A4GALT: variants seen among roughly 807,000 people sequenced by gnomAD.
The protein encoded by A4GALT is alpha 1,4-galactosyltransferase (P1PK blood group).
For missense variants in A4GALT, 512 were observed against 486.0 expected, an observed-to-expected ratio of 1.05 and a Z score of -0.50; for synonymous variants, 257 against 220.7, an observed-to-expected ratio of 1.16 and a Z score of -1.46.
In A4GALT at chr22:42,706,354, C is replaced by CAAAAAAAAAAAAAAAAA. The variant is rs1164664187; in HGVS notation, c.-187-10740_-187-10724dup. 3.6e-5 allele frequency among the ~76,000 whole-genome samples: 3 copies of CAAAAAAAAAAAAAAAAA among 83,820 alleles called. 1 individual carries two copies. The highest frequency in any genetic ancestry group is 9.9e-5 in the African/African-American group (2 of 20,208). 55.0% of individuals were successfully genotyped at this position (83,820 alleles called of 152,430 possible). On this transcript the variant is annotated intron_variant, in intron 1 of 2. Coordinates refer to ENST00000642412, the MANE Select transcript of A4GALT (RefSeq NM_017436.7). ...TGGGTGACAGAGCGAGACTCCATCC[C>CAAAAAAAAAAAAAAAAA]AAAAAAAAAAAAAAAAAAAAAAAGT...
chr22:42,694,079 C>A (rs1203805088), intron 2 of A4GALT, 82 bp from the exon 3 acceptor site: 3 of 892,348 alleles, frequency 3.4e-6, no homozygotes, highest in Admixed American at 2.2e-5. Flanking sequence ...GAACATCAGC[C>A]AGAGCCAAGG....
At chr22:42,696,484 G>A (rs1930947201) in intron 1 of A4GALT, among the ~76,000 whole-genome samples, 1 of 151,932 alleles carries the variant, frequency 6.6e-6, no homozygotes, top group African/African-American at 2.4e-5. Context: ...CCTTGGGGAG[G>A]TGACACATGG....
rs1328066674 is a variant in A4GALT, at chr22:42,693,478, C to T, written c.474G>A (p.Trp158Ter). The change falls in exon 3 of 3, where the codon TGG (tryptophan) becomes TGA (stop). Residue 158 changes from tryptophan (W) to a stop codon, truncating the protein, a stop_gained. Transcript: ENST00000642412. LOFTEE classifies it low-confidence loss of function (END_TRUNC). ...ELFRDTPLAD[W>*]YAAVQGRWEP... ...CCCAGCGCCCCTGCACGGCCGCGTA[C>T]CAGTCGGCCAGGGGTGTGTCCCGGA... 2 of 1,613,074 alleles carry T rather than the reference C, an allele frequency of 1.2e-6. No homozygotes were observed. Among genetic ancestry groups the T allele is most frequent in the Non-Finnish European group, 1.7e-6 (2 of 1,179,954 alleles).
At chr22:42,720,565 C>T (rs1052342898) in intron 1 of A4GALT, among the ~76,000 whole-genome samples, 1 of 152,104 alleles carries the variant, frequency 6.6e-6, no homozygotes, top group African/African-American at 2.4e-5. Context: ...CTCCGGGTCC[C>T]GCCGCCGCGC....
chr22:42,703,698 A>C (rs1186607682), intron 1 of A4GALT, among the ~76,000 whole-genome samples: 1 of 152,156 alleles, frequency 6.6e-6, no homozygotes, highest in Admixed American at 6.5e-5. Flanking sequence ...TCCCTTCTGC[A>C]CAGTGCGGGG....
intron 1 of A4GALT, among the ~76,000 whole-genome samples, chr22:42,714,285 A>T: frequency 7.1e-6 from 1 of 140,972 alleles, no homozygotes; most frequent in African/African-American, 2.8e-5. Context: ...AAAAAAAAAA[A>T]AAAAAAAAAA....
At chr22:42,720,434 G>A (rs1034485114) in intron 1 of A4GALT, among the ~76,000 whole-genome samples, 9 of 152,148 alleles carry the variant, frequency 5.9e-5, no homozygotes, top group South Asian at 4.1e-4. Context: ...CGGTGGCCGG[G>A]CAGAGCCTGC....
rs138153636 is a variant in A4GALT, at chr22:42,693,038, G to A, written c.914C>T (p.Pro305Leu). 330 of 1,612,550 alleles carry A rather than the reference G, an allele frequency of 2.0e-4. 1 individual carries two copies. The highest frequency in any genetic ancestry group is 1.0e-3 in the African/African-American group (77 of 75,008). Residue 305 changes from proline (P) to leucine (L), a missense_variant, in exon 3 of 3, where the codon CCG (proline) becomes CTG (leucine). Transcript: ENST00000642412. Reference protein sequence around the residue: ...YFEDINPEELPRLLSATYAVH... With the variant: ...YFEDINPEELLRLLSATYAVH... ...AGCATAGGTGGCACTGAGCAGCCGC[G>A]GCAGCTCCTCGGGGTTGATGTCCTC...
intron 1 of A4GALT, among the ~76,000 whole-genome samples, chr22:42,699,446 G>A (rs1012790450): frequency 6.6e-6 from 1 of 152,116 alleles, no homozygotes; most frequent in Non-Finnish European, 1.5e-5. Flanking sequence ...GAATTTTCTT[G>A]CCCCCTGGTG....
At chr22:42,699,084 T>C (rs1270891134) in intron 1 of A4GALT, among the ~76,000 whole-genome samples, 1 of 144,074 alleles carries the variant, frequency 6.9e-6, no homozygotes, top group Non-Finnish European at 1.6e-5. Flanking sequence ...ATTCTTTTAT[T>C]CCTTTACCTT....
At chr22:42,699,463 G>A (rs1357666008) in intron 1 of A4GALT, among the ~76,000 whole-genome samples, 2 of 152,132 alleles carry the variant, frequency 1.3e-5, no homozygotes, top group South Asian at 2.1e-4. Flanking sequence ...GGTGTGAGTG[G>A]CCACGACCCT....
At chr22:42,718,050 G>C (rs1227650154) in intron 1 of A4GALT, among the ~76,000 whole-genome samples, 1 of 152,172 alleles carries the variant, frequency 6.6e-6, no homozygotes, top group Admixed American at 6.5e-5. Flanking sequence ...ATGTATAAAT[G>C]TATGCAGAAA....
chr22:42,710,697 GAAATAAATAAAT>G (rs57644282), intron 1 of A4GALT, among the ~76,000 whole-genome samples: 50 of 144,396 alleles, frequency 3.5e-4, no homozygotes, highest in South Asian at 2.7e-3. Flanking sequence ...ACTCCAGCTC[GAAATAAATAAAT>G]AAATAAATAA....
At chr22:42,700,757 G>A (rs1047101553) in intron 1 of A4GALT, among the ~76,000 whole-genome samples, 1 of 152,222 alleles carries the variant, frequency 6.6e-6, no homozygotes, top group African/African-American at 2.4e-5. Context: ...TGGAGGGATG[G>A]AGGGAGGCAA....
At chr22:42,694,406 TCAGCTC>T in intron 2 of A4GALT, 1 of 202,806 alleles carries the variant, frequency 4.9e-6, no homozygotes, top group Non-Finnish European at 1.0e-5. Flanking sequence ...CATGCCCGCC[TCAGCTC>T]CATAAACCAG....
At chr22:42,708,255 C>T (rs980429541) in intron 1 of A4GALT, among the ~76,000 whole-genome samples, 3 of 152,104 alleles carry the variant, frequency 2.0e-5, no homozygotes, top group East Asian at 1.9e-4. Context: ...GGTGTGGTGG[C>T]GCCTACCTGT....
intron 1 of A4GALT, among the ~76,000 whole-genome samples, chr22:42,696,280 C>G (rs1426905890): frequency 6.6e-6 from 1 of 151,464 alleles, no homozygotes; most frequent in Non-Finnish European, 1.5e-5. Context: ...ATTAGCCGGG[C>G]ATGGTGGCGC....
chr22:42,693,654 AC>A lies in A4GALT; in HGVS notation c.297del (p.Glu99AspfsTer15). ...GATTCGGGGTGAGTTCTGGCGGCCG[AC>A]TCCACCGAGCACATGAACAGGAAGT... ...NPNFLFMCSV[E>X]SAARTHPESH... On this transcript the variant is annotated frameshift_variant, in exon 3 of 3. Coordinates refer to ENST00000642412, the MANE Select transcript of A4GALT (RefSeq NM_017436.7). LOFTEE classifies it low-confidence loss of function (END_TRUNC). 1.9e-6 allele frequency: 3 copies of A among 1,598,992 alleles called. No homozygotes were observed. The highest frequency in any genetic ancestry group is 2.6e-6 in the Non-Finnish European group (3 of 1,175,460).
chr22:42,709,566 GA>G (rs897887313), intron 1 of A4GALT, among the ~76,000 whole-genome samples: 4 of 152,012 alleles, frequency 2.6e-5, no homozygotes, highest in African/African-American at 9.7e-5. Flanking sequence ...AAGGCAGGTG[GA>G]TCACTTGAGG....
Sources: allele counts gnomAD v4.1 joint callset (sites outside exome capture counted in the v4.1 genomes callset), GRCh38; gene constraint gnomAD v4.1.1; transcripts MANE v1.5; gene names NCBI Gene and HGNC (gene_info 2026-07-23, HGNC 2026-07-21).